Variants in PLPPR5 observed in about 807,000 individuals in gnomAD.
The protein encoded by PLPPR5 is phospholipid phosphatase-related protein type 5.
PLPPR5 carries 16 observed loss-of-function variants against 33.9 expected under a neutral mutation model. The observed-to-expected ratio is 0.47, with a 90% CI of 0.32 to 0.72. The LOEUF (loss-of-function observed/expected upper bound fraction) is 0.72. Ranked by LOEUF, PLPPR5 falls within the 30% of genes least tolerant of loss-of-function variation. The pLI, the probability that PLPPR5 is intolerant of heterozygous loss-of-function variation, is 0.03. For missense variants in PLPPR5, 301 were observed against 406.7 expected, an observed-to-expected ratio of 0.74 and a Z score of 2.23; for synonymous variants, 163 against 150.3, an observed-to-expected ratio of 1.08 and a Z score of -0.62.
At chr1:98,905,543 GGA>G (rs1557663643) in intron 5 of PLPPR5, among the ~76,000 whole-genome samples, 2 of 151,978 alleles carry the variant, frequency 1.3e-5, no homozygotes, top group African/African-American at 4.8e-5. Context: ...TATGAAATCT[GGA>G]GAGTCTTGTA....
At chr1:98,922,092 G>T in intron 3 of PLPPR5, 34 bp from the exon 4 acceptor site, 1 of 1,595,696 alleles carries the variant, frequency 6.3e-7, no homozygotes, top group South Asian at 1.1e-5. Context: ...GACTTTTCAT[G>T]AAGGTATTTC....
intron 3 of PLPPR5, among the ~76,000 whole-genome samples, chr1:98,948,574 C>A (rs1386160097): frequency 6.6e-6 from 1 of 152,106 alleles, no homozygotes; most frequent in African/African-American, 2.4e-5. Context: ...TTTCTCTGGA[C>A]AATAAAATAC....
At chr1:98,974,896 G>A (rs554031796) in intron 1 of PLPPR5, among the ~76,000 whole-genome samples, 1 of 152,162 alleles carries the variant, frequency 6.6e-6, no homozygotes, top group South Asian at 2.1e-4. Context: ...CTGGGACTGT[G>A]ATTCCTGTCT....
chr1:98,951,950 G>A (rs1650799089), intron 3 of PLPPR5, among the ~76,000 whole-genome samples: 1 of 152,142 alleles, frequency 6.6e-6, no homozygotes, highest in Admixed American at 6.5e-5. Flanking sequence ...CTGGGAAGGA[G>A]AACCCCAGAA....
At chr1:98,909,246 T>G (rs995844797) in intron 5 of PLPPR5, among the ~76,000 whole-genome samples, 1 of 87,206 alleles carries the variant, frequency 1.1e-5, no homozygotes. Flanking sequence ...TTTCCCTCCC[T>G]TCCCCTCCCT....
chr1:98,948,762 C>A (rs1414774452), intron 3 of PLPPR5, among the ~76,000 whole-genome samples: 2 of 152,156 alleles, frequency 1.3e-5, no homozygotes, highest in African/African-American at 4.8e-5. Flanking sequence ...TGAGCCCAAA[C>A]CCCAGATCTC....
At chr1:98,984,490 G>T (rs980949428) in intron 1 of PLPPR5, among the ~76,000 whole-genome samples, 1 of 152,184 alleles carries the variant, frequency 6.6e-6, no homozygotes, top group East Asian at 1.9e-4. Context: ...TGGCCATTAT[G>T]TAGAATGTTC....
chr1:98,999,532 T>C (rs768854528), intron 1 of PLPPR5, among the ~76,000 whole-genome samples: 4 of 152,184 alleles, frequency 2.6e-5, no homozygotes, highest in Non-Finnish European at 5.9e-5. Context: ...TGAGGTTACA[T>C]GGCTAGTAAG....
Position 98,993,333 on chromosome 1 carries a change from G to T in PLPPR5, c.237+11102C>A, listed in dbSNP as rs185599025. ...ATGGGATGACAGAAAGAGCCTGATA[G>T]TGTGGCTTGAAAAAAGTGTCTACTG... On this transcript the variant is annotated intron_variant, in intron 1 of 5. Coordinates refer to ENST00000263177, the MANE Select transcript of PLPPR5 (RefSeq NM_001037317.2). Among the ~76,000 whole-genome samples, 143 of 152,082 alleles carry T rather than the reference G, an allele frequency of 9.4e-4. 3 individuals are homozygous for T. In the Middle Eastern group the frequency reaches 0.014, roughly 14 times the overall value.
At chr1:98,979,951 G>C (rs1651997910) in intron 1 of PLPPR5, among the ~76,000 whole-genome samples, 2 of 151,950 alleles carry the variant, frequency 1.3e-5, no homozygotes, top group South Asian at 4.1e-4. Context: ...TCATGTCTAA[G>C]TGACCCTCTA....
intron 5 of PLPPR5, among the ~76,000 whole-genome samples, chr1:98,902,512 G>T (rs1648733364): frequency 6.6e-6 from 1 of 152,024 alleles, no homozygotes; most frequent in Non-Finnish European, 1.5e-5. Context: ...TAAACTGCTT[G>T]TTTCATAAAA....
intron 3 of PLPPR5, among the ~76,000 whole-genome samples, chr1:98,948,749 G>A (rs745475373): frequency 4.6e-5 from 7 of 152,080 alleles, no homozygotes; most frequent in East Asian, 1.9e-4. Context: ...GTGCTGTCTC[G>A]GCTGAGCCCA....
chr1:98,958,970 A>G (rs1488769027), intron 1 of PLPPR5, among the ~76,000 whole-genome samples: 2 of 152,194 alleles, frequency 1.3e-5, no homozygotes, highest in African/African-American at 4.8e-5. Context: ...ACCCCAACTC[A>G]GGCTACCATG....
chr1:98,892,782 A>C lies in PLPPR5; in HGVS notation c.*290T>G, dbSNP rs544988290. On this transcript the variant is annotated 3_prime_UTR_variant, in exon 6 of 6. Coordinates refer to ENST00000263177, the MANE Select transcript of PLPPR5 (RefSeq NM_001037317.2). ...ATGATTCTGTGAGAAACTAAAGTGA[A>C]TGTTTTATTTAAGAATTTTGTTCAT... 2 of 316,736 alleles carry C rather than the reference A, an allele frequency of 6.3e-6. No homozygotes were observed. Among genetic ancestry groups the C allele is most frequent in the South Asian group, 1.3e-4 (2 of 15,662 alleles). 19.6% of individuals were successfully genotyped at this position (316,736 alleles called of 1,614,324 possible). A position where few individuals can be genotyped will look rare whatever the true frequency, so the allele number is the denominator to read the frequency against.
intron 3 of PLPPR5, among the ~76,000 whole-genome samples, chr1:98,934,910 C>G (rs1310578380): frequency 6.6e-6 from 1 of 152,172 alleles, no homozygotes; most frequent in South Asian, 2.1e-4. Flanking sequence ...AAGTCTGTGA[C>G]ATCCCTCCAT....
chr1:98,976,582 T>C (rs752436662), intron 1 of PLPPR5, among the ~76,000 whole-genome samples: 1 of 152,054 alleles, frequency 6.6e-6, no homozygotes, highest in Non-Finnish European at 1.5e-5. Flanking sequence ...CTGATGAAAC[T>C]GCCAATTGCC....
chr1:99,000,017 A>T (rs549870205), intron 1 of PLPPR5, among the ~76,000 whole-genome samples: 5 of 152,276 alleles, frequency 3.3e-5, no homozygotes, highest in African/African-American at 1.2e-4. Context: ...TCTAAGGAAC[A>T]ATAGCTGCTA....
chr1:98,958,291 A>C lies in PLPPR5; in HGVS notation c.238-1550T>G, dbSNP rs150162617. Among the ~76,000 whole-genome samples the C allele has an allele frequency of 1.7e-3, 262 of 152,334 alleles. 8 individuals carry two copies. The East Asian group carries it at 0.04, about 23-fold the overall frequency. ...AATAGAAAGTGTGAGGTAGAGAAGG[A>C]GGTTACAGGAGATTAGGTGTTTGAC... On this transcript the variant is annotated intron_variant, in intron 1 of 5. Transcript: ENST00000263177.
intron 1 of PLPPR5, among the ~76,000 whole-genome samples, chr1:98,978,650 T>C (rs953003970): frequency 3.9e-5 from 6 of 152,086 alleles, no homozygotes; most frequent in African/African-American, 1.2e-4. Flanking sequence ...GATGGTTTTT[T>C]AATCTGTTTC....
Sources: gnomAD v4.1 joint callset for allele counts (sites outside exome capture counted in the v4.1 genomes callset) on GRCh38, gnomAD v4.1.1 for gene constraint, MANE v1.5 for transcripts, NCBI Gene and HGNC (gene_info 2026-07-23, HGNC 2026-07-21) for gene names.